AKT3: variants seen among roughly 807,000 people sequenced by gnomAD.
The protein encoded by AKT3 is AKT serine/threonine kinase 3, also known as RAC-gamma serine/threonine-protein kinase.
A neutral mutation model predicts 65.3 loss-of-function variants in AKT3; 15 were observed. That is an observed-to-expected ratio of 0.23 (90% CI 0.15 to 0.35). The LOEUF (loss-of-function observed/expected upper bound fraction) is 0.35. Among genes scored for constraint, AKT3 ranks in the 10% least tolerant of loss-of-function variants. AKT3 has a pLI of 1.00. For synonymous variants in AKT3, 206 were observed against 183.8 expected, an observed-to-expected ratio of 1.12 and a Z score of -0.98; for missense variants, 243 against 576.5, an observed-to-expected ratio of 0.42 and a Z score of 5.92.
chr1:243,527,574 G>GCGCC (rs1171189833), intron 12 of AKT3, among the ~76,000 whole-genome samples: 2 of 151,944 alleles, frequency 1.3e-5, no homozygotes, highest in African/African-American at 2.4e-5. Flanking sequence ...CCTCAGCTGG[G>GCGCC]CCCTCCAGCA....
At chr1:243,672,885 G>A (rs1683247117) in intron 3 of AKT3, among the ~76,000 whole-genome samples, 1 of 152,144 alleles carries the variant, frequency 6.6e-6, no homozygotes, top group African/African-American at 2.4e-5. Context: ...TGGAACAACT[G>A]TTCTTGGCAT....
chr1:243,566,386 G>A (rs907289012), intron 9 of AKT3, among the ~76,000 whole-genome samples: 2 of 152,216 alleles, frequency 1.3e-5, no homozygotes, highest in Non-Finnish European at 2.9e-5. Context: ...AATGCAGGAC[G>A]TGTAGTGCTA....
At chr1:243,772,131 A>G (rs1690224397) in intron 2 of AKT3, among the ~76,000 whole-genome samples, 1 of 152,232 alleles carries the variant, frequency 6.6e-6, no homozygotes, top group African/African-American at 2.4e-5. Context: ...AGGCATAGGC[A>G]AAGACTTCAT....
In AKT3 at chr1:243,606,227, A is replaced by G. The variant is rs1439628524; in HGVS notation, c.696+7444T>C. Among the ~76,000 whole-genome samples the G allele has an allele frequency of 3.3e-5, 5 of 152,196 alleles. No homozygotes were observed. In the East Asian group the frequency reaches 9.6e-4, roughly 29 times the overall value. On this transcript the variant is annotated intron_variant, in intron 8 of 13. Coordinates refer to ENST00000673466, the MANE Select transcript of AKT3 (RefSeq NM_005465.7). ...CTGTAAAGATACCCAAAAATGTAAA[A>G]ACAGCTTTCCAACCAGGTAACAGGC... is the stretch of plus-strand genomic sequence containing the variant.
At chr1:243,720,320 A>T (rs746981172) in intron 2 of AKT3, among the ~76,000 whole-genome samples, 6 of 152,014 alleles carry the variant, frequency 3.9e-5, no homozygotes, top group Admixed American at 1.3e-4. Context: ...AAAATAAAAT[A>T]AAAATAAAAA....
At chr1:243,845,588 C>CAA (rs10648820) in intron 1 of AKT3, among the ~76,000 whole-genome samples, 9 of 79,366 alleles carry the variant, frequency 1.1e-4, no homozygotes, top group African/African-American at 2.5e-4. Context: ...GAACCTGTCT[C>CAA]AAAAAAAAAA....
intron 11 of AKT3, chr1:243,548,002 T>C (rs868559171): frequency 2.0e-5 from 3 of 152,242 alleles, no homozygotes; most frequent in South Asian, 4.1e-4. Context: ...CTGCCCTCTT[T>C]TTCATTCTAT....
intron 3 of AKT3, among the ~76,000 whole-genome samples, chr1:243,677,932 C>T (rs1041718067): frequency 1.3e-5 from 2 of 151,812 alleles, no homozygotes; most frequent in African/African-American, 2.4e-5. Flanking sequence ...ACTAAAAATA[C>T]AAAAAATTAG....
intron 4 of AKT3, among the ~76,000 whole-genome samples, chr1:243,655,323 T>C (rs1681688265): frequency 6.6e-6 from 1 of 152,180 alleles, no homozygotes; most frequent in Non-Finnish European, 1.5e-5. Flanking sequence ...AAATGAAAGC[T>C]ATTATCCATT....
intron 10 of AKT3, among the ~76,000 whole-genome samples, chr1:243,556,645 G>T (rs1224773539): frequency 6.6e-6 from 1 of 152,054 alleles, no homozygotes; most frequent in Non-Finnish European, 1.5e-5. Flanking sequence ...CTGCGAACTT[G>T]GATGAACCAA....
chr1:243,702,607 C>A (rs1685538506), intron 2 of AKT3, among the ~76,000 whole-genome samples: 1 of 152,098 alleles, frequency 6.6e-6, no homozygotes. Context: ...CAACTACAAA[C>A]CACACATTAA....
intron 3 of AKT3, among the ~76,000 whole-genome samples, chr1:243,683,512 G>A (rs1684069028): frequency 6.6e-6 from 1 of 152,028 alleles, no homozygotes; most frequent in South Asian, 2.1e-4. Flanking sequence ...TATTTGAGAT[G>A]GCTAGAAAAG....
chr1:243,796,471 TA>T (rs987680127), intron 2 of AKT3, among the ~76,000 whole-genome samples: 2 of 152,168 alleles, frequency 1.3e-5, no homozygotes, highest in African/African-American at 4.8e-5. Context: ...CTCCCCCACT[TA>T]AAACTTCCTA....
intron 4 of AKT3, among the ~76,000 whole-genome samples, chr1:243,662,857 T>C (rs961163835): frequency 1.4e-4 from 21 of 152,202 alleles, no homozygotes; most frequent in Admixed American, 2.6e-4. Flanking sequence ...TGTTTTTTCT[T>C]ATAGTTATAA....
At chr1:243,835,161 C>T (rs1268634328) in intron 2 of AKT3, among the ~76,000 whole-genome samples, 4 of 152,126 alleles carry the variant, frequency 2.6e-5, no homozygotes, top group Non-Finnish European at 4.4e-5. Context: ...ACTATTCCGT[C>T]CATTATAGAA....
At chr1:243,751,230 A>G (rs1688794521) in intron 2 of AKT3, among the ~76,000 whole-genome samples, 1 of 152,242 alleles carries the variant, frequency 6.6e-6, no homozygotes, top group Non-Finnish European at 1.5e-5. Flanking sequence ...TGAAGCCTCT[A>G]TACAACTTTT....
At chr1:243,599,851 T>C (rs529911909) in intron 8 of AKT3, among the ~76,000 whole-genome samples, 1 of 152,232 alleles carries the variant, frequency 6.6e-6, no homozygotes, top group Non-Finnish European at 1.5e-5. Context: ...CAAGGAAATG[T>C]ACACATATTA....
chr1:243,783,995 A>G (rs961298724), intron 2 of AKT3, among the ~76,000 whole-genome samples: 3 of 152,226 alleles, frequency 2.0e-5, no homozygotes, highest in African/African-American at 7.2e-5. Flanking sequence ...GCAGTGAACA[A>G]TACAGCTCTC....
At chr1:243,830,340 C>T (rs930075865) in intron 2 of AKT3, among the ~76,000 whole-genome samples, 4 of 152,106 alleles carry the variant, frequency 2.6e-5, no homozygotes, top group African/African-American at 7.2e-5. Context: ...TTTGCTATCT[C>T]CAGGAAGTCC....
Sources: gnomAD v4.1 joint callset for allele counts (sites outside exome capture counted in the v4.1 genomes callset) on GRCh38, gnomAD v4.1.1 for gene constraint, MANE v1.5 for transcripts, NCBI Gene and HGNC (gene_info 2026-07-23, HGNC 2026-07-21) for gene names.